Variants in CES5A observed in about 807,000 individuals in gnomAD.
CES5A encodes carboxylesterase 5.
A neutral mutation model predicts 62.9 loss-of-function variants in CES5A; 67 were observed. The observed-to-expected ratio is 1.07, with a 90% confidence interval of 0.88 to 1.31. The LOEUF (loss-of-function observed/expected upper bound fraction) is 1.31, where lower values mean the gene tolerates loss of function less well. Ranked by LOEUF, CES5A falls within the 50% of genes most tolerant of loss-of-function variation. CES5A has a pLI of 0.00. For synonymous variants in CES5A, 296 were observed against 280.8 expected (o/e 1.05, Z -0.54); for missense variants, 748 against 708.5 (o/e 1.06, Z -0.63).
chr16:55,865,912 T>C (rs1402962990), intron 5 of CES5A, 51 bp downstream of exon 5: 4 of 1,604,888 alleles, frequency 2.5e-6, no homozygotes, highest in African/African-American at 2.7e-5. Context: ...ATCATCATTT[T>C]TGGAACCTCC....
chr16:55,900,087 C>T (rs1052229964), intron 1 of CES5A, among the ~76,000 whole-genome samples: 1 of 147,836 alleles, frequency 6.8e-6, no homozygotes, highest in African/African-American at 2.5e-5. Context: ...GACCTGAATG[C>T]AGACCCCCCT....
chr16:55,858,085 G>A (rs1278750847), intron 8 of CES5A, among the ~76,000 whole-genome samples: 1 of 152,174 alleles, frequency 6.6e-6, no homozygotes, highest in African/African-American at 2.4e-5. Flanking sequence ...TGTAATCCCA[G>A]CTACTCGATA....
At chr16:55,851,884 G>A (rs577651181) in intron 10 of CES5A, among the ~76,000 whole-genome samples, 2 of 152,308 alleles carry the variant, frequency 1.3e-5, no homozygotes, top group African/African-American at 4.8e-5. Context: ...CTGATGTATA[G>A]TACAGCATAT....
intron 1 of CES5A, among the ~76,000 whole-genome samples, chr16:55,950,085 A>C (rs2034538651): frequency 6.6e-6 from 1 of 152,154 alleles, no homozygotes; most frequent in African/African-American, 2.4e-5. Flanking sequence ...GAATGCCTGA[A>C]AGGGGAAAGG....
At chr16:55,853,829 G>A (rs762531503) in intron 9 of CES5A, among the ~76,000 whole-genome samples, 1 of 152,156 alleles carries the variant, frequency 6.6e-6, no homozygotes, top group African/African-American at 2.4e-5. Flanking sequence ...TCAGGGATCC[G>A]GTGCTCTAGG....
intron 1 of CES5A, among the ~76,000 whole-genome samples, chr16:55,912,439 AG>A (rs1300274335): frequency 1.3e-5 from 2 of 152,152 alleles, no homozygotes; most frequent in Non-Finnish European, 2.9e-5. Flanking sequence ...AAAAAAACAA[AG>A]GCCAGGCACC....
upstream of CES5A, among the ~76,000 whole-genome samples, chr16:55,878,080 G>C (rs191314946): frequency 1.6e-4 from 25 of 152,220 alleles, no homozygotes; most frequent in Admixed American, 8.5e-4. Context: ...TGGCCCCTGG[G>C]AGACACAGAC....
chr16:55,926,302 G>C (rs2034257219), upstream of CES5A, among the ~76,000 whole-genome samples: 1 of 152,100 alleles, frequency 6.6e-6, no homozygotes, highest in South Asian at 2.1e-4. Context: ...TCTGTTCATT[G>C]TCCTTCAACC....
intron 1 of CES5A, among the ~76,000 whole-genome samples, chr16:55,889,150 G>A (rs1417346002): frequency 6.6e-6 from 1 of 151,498 alleles, no homozygotes; most frequent in Non-Finnish European, 1.5e-5. Flanking sequence ...AAAAAAAAAA[G>A]GTATTTTTTC....
At chr16:55,899,501 T>C (rs560680538) in intron 1 of CES5A, among the ~76,000 whole-genome samples, 1 of 152,344 alleles carries the variant, frequency 6.6e-6, no homozygotes, top group South Asian at 2.1e-4. Flanking sequence ...TTCAGGATTC[T>C]GGGTCTATCT....
chr16:55,876,997 G>A (rs2033703415), upstream of CES5A, among the ~76,000 whole-genome samples: 2 of 152,132 alleles, frequency 1.3e-5, no homozygotes. Flanking sequence ...CAGTCAGGGG[G>A]AATCAGTGGG....
upstream of CES5A, among the ~76,000 whole-genome samples, chr16:55,880,120 T>C (rs1299269951): frequency 3.9e-5 from 6 of 152,194 alleles, no homozygotes; most frequent in Admixed American, 3.9e-4. Flanking sequence ...TGATCTCTCA[T>C]GCAGGTCACA....
chr16:55,904,478 C>G (rs1366191783), intron 1 of CES5A, among the ~76,000 whole-genome samples: 3 of 152,182 alleles, frequency 2.0e-5, no homozygotes, highest in African/African-American at 7.2e-5. Flanking sequence ...AAGCCACCAA[C>G]TATAGATTCA....
At chr16:55,886,036 T>C (rs1246158529) in intron 1 of CES5A, among the ~76,000 whole-genome samples, 1 of 152,228 alleles carries the variant, frequency 6.6e-6, no homozygotes, top group African/African-American at 2.4e-5. Context: ...CACTGCCTCA[T>C]GGCAGGTTCC....
intron 1 of CES5A, among the ~76,000 whole-genome samples, chr16:55,898,372 A>T (rs1452562243): frequency 7.2e-5 from 11 of 152,156 alleles, no homozygotes; most frequent in African/African-American, 2.7e-4. Context: ...AATTTTCTGC[A>T]TTGTTTGAAA....
At chr16:55,920,189 C>A (rs906161085) in intron 1 of CES5A, among the ~76,000 whole-genome samples, 12 of 152,180 alleles carry the variant, frequency 7.9e-5, no homozygotes, top group Non-Finnish European at 1.2e-4. Flanking sequence ...CTCACATCCA[C>A]GATGCCCCTC....
chr16:55,884,817 C>G (rs1000590748), intron 1 of CES5A, among the ~76,000 whole-genome samples: 1 of 152,076 alleles, frequency 6.6e-6, no homozygotes, highest in African/African-American at 2.4e-5. Flanking sequence ...GTCTTGAACT[C>G]CTTGGCTTAA....
Position 55,863,455 on chromosome 16 carries a change from G to A in CES5A, c.706-3C>T, listed in dbSNP as rs114271074. ...CCTTTGGCCATGGGAGACAGTATCT[G>A]GAGAGAGAACACAGAAGACCCAGGA... On this transcript the variant is annotated splice_region_variant and splice_polypyrimidine_tract_variant and intron_variant, in intron 5 of 12. Transcript: ENST00000290567. 1.8e-3 allele frequency: 2,716 copies of A among 1,502,484 alleles called. 53 individuals carry two copies. In the African/African-American group the frequency reaches 0.034, roughly 19 times the overall value. The allele number at this position is 1,502,484 out of a possible 1,614,324, so 93.1% of individuals were successfully genotyped here. A position where few individuals can be genotyped will look rare whatever the true frequency, so the allele number is the denominator to read the frequency against.
chr16:55,877,228 G>A (rs1204749641), upstream of CES5A, among the ~76,000 whole-genome samples: 5 of 151,996 alleles, frequency 3.3e-5, no homozygotes, highest in Non-Finnish European at 7.4e-5. Context: ...GGGTGGGGTG[G>A]GGAGCAAATA....
Sources: allele counts gnomAD v4.1 joint callset (sites outside exome capture counted in the v4.1 genomes callset), GRCh38; gene constraint gnomAD v4.1.1; transcripts MANE v1.5; gene names NCBI Gene and HGNC (gene_info 2026-07-23, HGNC 2026-07-21).